The following CHRNA6 variants were observed in gnomAD, a reference collection of about 807,000 sequenced individuals.
CHRNA6 encodes neuronal acetylcholine receptor subunit alpha-6.
A neutral mutation model predicts 40.9 loss-of-function variants in CHRNA6; 31 were observed. That is an observed-to-expected ratio of 0.76 (90% CI 0.57 to 1.02). CHRNA6 has a LOEUF of 1.02. CHRNA6 is among the 50% of genes least tolerant of loss of function. CHRNA6 has a pLI of 0.00. For synonymous variants in CHRNA6, 222 were observed against 221.3 expected, an observed-to-expected ratio of 1.00 and a Z score of -0.03; for missense variants, 546 against 596.6, an observed-to-expected ratio of 0.92 and a Z score of 0.88.
Position 42,753,060 on chromosome 8 carries a change from C to G in CHRNA6, c.*119G>C. On this transcript the variant is annotated 3_prime_UTR_variant, in exon 6 of 6. Transcript: ENST00000276410. ...AAGAAAGTCCTCTTTTTCCATGTAGCCATCAGTTTTAGCAGATGGGGGACT... is the reference window on the plus strand; with the variant it reads ...AAGAAAGTCCTCTTTTTCCATGTAGGCATCAGTTTTAGCAGATGGGGGACT... 3.5e-6 allele frequency: 3 copies of G among 859,594 alleles called. No individual in the cohort carries two copies. In the South Asian group the frequency reaches 5.1e-5, roughly 15 times the overall value. 53.2% of individuals were successfully genotyped at this position (859,594 alleles called of 1,614,324 possible). A position where few individuals can be genotyped will look rare whatever the true frequency, so the allele number is the denominator to read the frequency against.
Position 42,756,030 on chromosome 8 carries a change from C to G in CHRNA6, c.1169G>C (p.Arg390Thr). 6.2e-7 allele frequency: 1 copy of G among 1,614,248 alleles called. No homozygotes were observed. The highest frequency in any genetic ancestry group is 2.2e-5 in the East Asian group (1 of 44,884). ...ACAATGGAAGCATTCTTTAAGATGTCTGGGTTCCCCATGGCTTGCAAGCTT... is the reference window on the plus strand; with the variant it reads ...ACAATGGAAGCATTCTTTAAGATGTGTGGGTTCCCCATGGCTTGCAAGCTT... ...KGKLASHGEP[R>T]HLKECFHCHK... is the part of the protein sequence containing the mutation. The change falls in exon 5 of 6, where the codon AGA (arginine) becomes ACA (threonine). Residue 390 changes from arginine (R) to threonine (T), a missense_variant. By Grantham distance (71) the Arg-to-Thr change is moderately conservative. This residue lies in a region of CHRNA6 where 476 missense variants were observed against 494.5 expected (regional missense o/e 0.96). Transcript: ENST00000276410.
intron 1 of CHRNA6, among the ~76,000 whole-genome samples, chr8:42,767,242 C>T (rs1816987533): frequency 6.6e-6 from 1 of 152,234 alleles, no homozygotes; most frequent in Non-Finnish European, 1.5e-5. Flanking sequence ...GCTGGGATTA[C>T]AGGCATGAGC....
chr8:42,758,736 C>T (rs1816849562), intron 3 of CHRNA6, among the ~76,000 whole-genome samples: 1 of 152,168 alleles, frequency 6.6e-6, no homozygotes, highest in African/African-American at 2.4e-5. Context: ...TGCTCCCAAG[C>T]TCAGCTACTG....
chr8:42,760,251 ACACT>A (rs996473445), intron 2 of CHRNA6, among the ~76,000 whole-genome samples: 107 of 151,980 alleles, frequency 7.0e-4, no homozygotes, highest in African/African-American at 2.5e-3. Flanking sequence ...ACACTCATGC[ACACT>A]CACACACTCA....
At chr8:42,760,617 C>T (rs1816890849) in intron 2 of CHRNA6, among the ~76,000 whole-genome samples, 1 of 152,184 alleles carries the variant, frequency 6.6e-6, no homozygotes, top group Non-Finnish European at 1.5e-5. Context: ...CTCAAACACA[C>T]TCATGCACAC....
In CHRNA6 at chr8:42,756,233, C is replaced by T; in HGVS notation, c.966G>A (p.Val322=). Residue 322 remains valine, a synonymous_variant, in exon 5 of 6, where the codon GTG becomes GTA. Coordinates refer to ENST00000276410, the MANE Select transcript of CHRNA6 (RefSeq NM_004198.3). ...IFVTLSIVVT[V]FVLNIHYRTP... is the part of the protein sequence containing the mutation. The stretch of plus-strand genomic sequence containing the variant: ...TGCGGTAGTGTATGTTCAACACAAA[C>T]ACAGTCACCACGATGGACAGTGTGA... 1 of 1,614,230 alleles carries T rather than the reference C, an allele frequency of 6.2e-7. No individual in the cohort carries two copies. Among genetic ancestry groups the T allele is most frequent in the Non-Finnish European group, 8.5e-7 (1 of 1,180,038 alleles).
At position 42,753,140 on chromosome 8, in the gene CHRNA6, T is replaced by G. The variant is rs199911712; in HGVS notation, c.*39A>C. On this transcript the variant is annotated 3_prime_UTR_variant, in exon 6 of 6. Coordinates refer to ENST00000276410, the MANE Select transcript of CHRNA6 (RefSeq NM_004198.3). ...TGTGGCAGGGAATGCAGAACAAATA[T>G]GGTGTCTGTAAATTTCTGAACATAA... 20 of 1,568,956 alleles carry G rather than the reference T, an allele frequency of 1.3e-5. No individual in the cohort carries two copies. The highest frequency in any genetic ancestry group is 1.7e-5 in the Non-Finnish European group (20 of 1,159,752).
chr8:42,757,019 A>AT lies in CHRNA6; in HGVS notation c.282dup (p.Leu95IlefsTer9). On this transcript the variant is annotated frameshift_variant, in exon 4 of 6. Transcript: ENST00000276410. LOFTEE classifies it high-confidence loss of function. ...TCATATTCCATTGGATCCCAGCGCA[A>AT]TTTATAATCATTCCAGATCTAAAAT... 1 of 1,609,286 alleles carries AT rather than the reference A, an allele frequency of 6.2e-7. No homozygotes were observed. Among genetic ancestry groups the AT allele is most frequent in the Non-Finnish European group, 8.5e-7 (1 of 1,175,666 alleles).
rs1563624058 is a variant in CHRNA6, at chr8:42,756,639, T to C, written c.560A>G (p.Asp187Gly). ...GSWTYDKAEI[D>G]LLIIGSKVDM... ...CACTTTTGATCCAATGATTAGAAGA[T>C]CAATTTCAGCTTTGTCATACGTCCA... Residue 187 changes from aspartate (D) to glycine (G), a missense_variant, in exon 5 of 6, where the codon GAT (aspartate) becomes GGT (glycine). Asp to Gly is a moderately conservative substitution (Grantham distance 94, BLOSUM62 -1). Coordinates refer to ENST00000276410, the MANE Select transcript of CHRNA6 (RefSeq NM_004198.3). 1.2e-6 allele frequency: 2 copies of C among 1,613,988 alleles called. No individual in the cohort carries two copies. The highest frequency in any genetic ancestry group is 8.5e-7 in the Non-Finnish European group (1 of 1,180,006).
At chr8:42,757,160 G>A (rs548191227) in intron 3 of CHRNA6, 123 bp from the exon 4 acceptor site, 2 of 673,936 alleles carry the variant, frequency 3.0e-6, no homozygotes, top group East Asian at 2.7e-5. Context: ...GAGGTCAGGA[G>A]GTCGAGACCA....
At chr8:42,753,377 C>A in intron 5 of CHRNA6, 67 bp from the exon 6 acceptor site, 1 of 1,371,156 alleles carries the variant, frequency 7.3e-7, no homozygotes, top group South Asian at 1.3e-5. Context: ...TGCCTTGTTT[C>A]ATCAATAAGC....
chr8:42,764,531 C>T (rs373238413), intron 2 of CHRNA6, among the ~76,000 whole-genome samples: 25 of 152,144 alleles, frequency 1.6e-4, no homozygotes, highest in East Asian at 5.8e-4. Context: ...CTTGCTATGT[C>T]GTTCAGGCTG....
intron 2 of CHRNA6, among the ~76,000 whole-genome samples, chr8:42,760,370 A>G (rs1816885630): frequency 6.6e-6 from 1 of 151,422 alleles, no homozygotes; most frequent in Non-Finnish European, 1.5e-5. Flanking sequence ...AATCATGCAA[A>G]CTCATATACC....
intron 1 of CHRNA6, among the ~76,000 whole-genome samples, chr8:42,765,443 G>T (rs1318309010): frequency 6.6e-6 from 1 of 152,206 alleles, no homozygotes; most frequent in East Asian, 1.9e-4. Context: ...CAGGACTAGA[G>T]CAGTATCAAA....
In CHRNA6 at chr8:42,756,302, C is replaced by T. The variant is rs375238294; in HGVS notation, c.897G>A (p.Val299=). 3.7e-6 allele frequency: 6 copies of T among 1,614,210 alleles called. No homozygotes were observed. The highest frequency in any genetic ancestry group is 4.5e-5 in the East Asian group (2 of 44,884). Residue 299 remains valine (V), a synonymous_variant, in exon 5 of 6, where the codon GTG becomes GTA. Transcript: ENST00000276410. Reference sequence around the variant, plus strand: ...GCAGGTACTCACCCACCAGTGGGACCACCAGAGATGTGGATGGGATGGTTT... The same window carrying T: ...GCAGGTACTCACCCACCAGTGGGACTACCAGAGATGTGGATGGGATGGTTT... ...ITETIPSTSL[V]VPLVGEYLLF... is the part of the protein sequence containing the mutation.
Position 42,764,769 on chromosome 8 carries a change from CCA to C in CHRNA6, c.219+294_219+295del, listed in dbSNP as rs144013607. 5.1e-4 allele frequency among the ~76,000 whole-genome samples: 78 copies of C among 152,274 alleles called. No homozygotes were observed. The East Asian group carries it at 0.014, about 27-fold the overall frequency. On this transcript the variant is annotated intron_variant, in intron 2 of 5. Coordinates refer to ENST00000276410, the MANE Select transcript of CHRNA6 (RefSeq NM_004198.3). Reference sequence around the variant, plus strand: ...CTCAGCAGTGAGATGAAGATGTTGGCCACACAGTGTAAACAGGCGTCTGGTGC... The same window carrying C: ...CTCAGCAGTGAGATGAAGATGTTGGCCACAGTGTAAACAGGCGTCTGGTGC...
chr8:42,756,289 C>G lies in CHRNA6; in HGVS notation c.910G>C (p.Gly304Arg). The G allele has an allele frequency of 6.2e-7, 1 of 1,614,198 alleles. No homozygotes were observed. ...PSTSLVVPLV[G>R]EYLLFTMIFV... ...ATCATGGTGAACAGCAGGTACTCAC[C>G]CACCAGTGGGACCACCAGAGATGTG... The change falls in exon 5 of 6, where the codon GGT (glycine) becomes CGT (arginine). Residue 304 changes from glycine (G) to arginine (R), a missense_variant. Physicochemically the swap from Gly to Arg is moderately radical, Grantham distance 125. Transcript: ENST00000276410.
chr8:42,768,257 C>G (rs1040842914), intron 1 of CHRNA6, 95 bp downstream of exon 1: 1 of 1,020,176 alleles, frequency 9.8e-7, no homozygotes, highest in Non-Finnish European at 1.5e-6. Flanking sequence ...ACCATAGAAA[C>G]TTTTATTAAT....
chr8:42,765,243 G>A (rs201699927), intron 1 of CHRNA6, 39 bp from the exon 2 acceptor site: 35 of 1,603,958 alleles, frequency 2.2e-5, no homozygotes, highest in Middle Eastern at 2.0e-4. Flanking sequence ...GAGCCAGCCC[G>A]GCCACTGGCC....
Sources: allele counts gnomAD v4.1 joint callset (sites outside exome capture counted in the v4.1 genomes callset), GRCh38; gene constraint gnomAD v4.1.1; regional missense constraint gnomAD v4.1.1; transcripts MANE v1.5; gene names NCBI Gene and HGNC (gene_info 2026-07-23, HGNC 2026-07-21).